Variants in PDE3A observed in about 807,000 individuals in gnomAD.
PDE3A encodes the protein phosphodiesterase 3A.
PDE3A carries 43 observed loss-of-function variants against 98.3 expected under a neutral mutation model. The observed-to-expected ratio is 0.44, with a 90% CI of 0.34 to 0.56. The LOEUF (loss-of-function observed/expected upper bound fraction) is 0.56, where lower values mean the gene tolerates loss of function less well. Among genes scored for constraint, PDE3A ranks in the 20% least tolerant of loss-of-function variants. The pLI, the probability that PDE3A is intolerant of heterozygous loss-of-function variation, is 0.01. For synonymous variants in PDE3A, 663 were observed against 567.9 expected, an observed-to-expected ratio of 1.17 and a Z score of -2.38; for missense variants, 1,427 against 1,440.7, an observed-to-expected ratio of 0.99 and a Z score of 0.15.
At chr12:20,412,555 C>T (rs1944353111) in intron 1 of PDE3A, among the ~76,000 whole-genome samples, 1 of 152,098 alleles carries the variant, frequency 6.6e-6, no homozygotes, top group Non-Finnish European at 1.5e-5. Context: ...AACCGACAGA[C>T]AGACAAAACC....
intron 1 of PDE3A, among the ~76,000 whole-genome samples, chr12:20,532,002 C>T (rs1430711469): frequency 6.6e-6 from 1 of 151,360 alleles, no homozygotes; most frequent in Admixed American, 6.6e-5. Flanking sequence ...TAGATCTGTA[C>T]CTTGAAGTTC....
chr12:20,475,410 C>T (rs969064431), intron 1 of PDE3A, among the ~76,000 whole-genome samples: 2 of 152,060 alleles, frequency 1.3e-5, no homozygotes, highest in South Asian at 2.1e-4. Flanking sequence ...ACAACCCCTT[C>T]GCCTAATTAT....
chr12:20,502,715 A>G (rs1946045370), intron 1 of PDE3A, among the ~76,000 whole-genome samples: 1 of 152,166 alleles, frequency 6.6e-6, no homozygotes, highest in South Asian at 2.1e-4. Context: ...GGAAACTAAG[A>G]CTATGTATAA....
At chr12:20,510,797 A>G (rs1168965605) in intron 1 of PDE3A, among the ~76,000 whole-genome samples, 3 of 152,074 alleles carry the variant, frequency 2.0e-5, no homozygotes, top group African/African-American at 7.2e-5. Context: ...TGTTTCTTCT[A>G]TAAATTAAGA....
At chr12:20,600,578 T>A (rs1218379915) in intron 2 of PDE3A, among the ~76,000 whole-genome samples, 1 of 152,170 alleles carries the variant, frequency 6.6e-6, no homozygotes, top group African/African-American at 2.4e-5. Context: ...CCTGTTAAGA[T>A]CTTTTCCTTT....
At chr12:20,431,613 A>ACACACACACACACG (rs1266600637) in intron 1 of PDE3A, among the ~76,000 whole-genome samples, 504 of 150,916 alleles carry the variant, frequency 3.3e-3, no homozygotes, top group Admixed American at 4.6e-3. Context: ...ACACACACAC[A>ACACACACACACACG]CACACACACG....
At chr12:20,484,897 T>A (rs550683568) in intron 1 of PDE3A, among the ~76,000 whole-genome samples, 1 of 152,226 alleles carries the variant, frequency 6.6e-6, no homozygotes, top group South Asian at 2.1e-4. Context: ...CTTGGTGTGG[T>A]TTGTGTGTTG....
chr12:20,609,336 C>A (rs1943791503), intron 2 of PDE3A, among the ~76,000 whole-genome samples: 1 of 151,860 alleles, frequency 6.6e-6, no homozygotes, highest in Non-Finnish European at 1.5e-5. Flanking sequence ...ATAAAAAATA[C>A]TTAGGGATAA....
intron 1 of PDE3A, among the ~76,000 whole-genome samples, chr12:20,525,498 C>T (rs542300996): frequency 6.6e-6 from 1 of 151,308 alleles, no homozygotes; most frequent in African/African-American, 2.4e-5. Context: ...TCATCTGTTT[C>T]ACCTTATCAC....
intron 15 of PDE3A, among the ~76,000 whole-genome samples, chr12:20,669,692 GA>G (rs1316879112): frequency 1.3e-5 from 2 of 152,030 alleles, no homozygotes; most frequent in Non-Finnish European, 2.9e-5. Flanking sequence ...AAGAGCTCCT[GA>G]AGGAAGCACT....
intron 1 of PDE3A, among the ~76,000 whole-genome samples, chr12:20,468,187 A>G (rs1945376984): frequency 6.6e-6 from 1 of 152,006 alleles, no homozygotes; most frequent in Admixed American, 6.5e-5. Context: ...TTTGCAATTG[A>G]TTTCTGAGTC....
At chr12:20,468,723 A>C (rs1218709928) in intron 1 of PDE3A, among the ~76,000 whole-genome samples, 5 of 152,196 alleles carry the variant, frequency 3.3e-5, no homozygotes, top group African/African-American at 4.8e-5. Flanking sequence ...GAAATTAAAA[A>C]CAAGTCCTTA....
At chr12:20,521,224 G>A (rs191720582) in intron 1 of PDE3A, among the ~76,000 whole-genome samples, 1 of 151,638 alleles carries the variant, frequency 6.6e-6, no homozygotes, top group African/African-American at 2.4e-5. Flanking sequence ...GAAGGAAATA[G>A]GTGGATATAG....
chr12:20,531,390 T>G (rs1941595245), intron 1 of PDE3A, among the ~76,000 whole-genome samples: 1 of 152,156 alleles, frequency 6.6e-6, no homozygotes, highest in Admixed American at 6.5e-5. Context: ...CTTCGGATAC[T>G]TGACCATATT....
chr12:20,597,341 C>A (rs888653901), intron 2 of PDE3A, among the ~76,000 whole-genome samples: 8 of 152,088 alleles, frequency 5.3e-5, no homozygotes, highest in Non-Finnish European at 7.4e-5. Context: ...GCCTTGAAGT[C>A]CATGTTTCAA....
chr12:20,516,912 G>A (rs1012855899), intron 1 of PDE3A, among the ~76,000 whole-genome samples: 1 of 152,120 alleles, frequency 6.6e-6, no homozygotes, highest in Non-Finnish European at 1.5e-5. Flanking sequence ...CTAGGATGAG[G>A]AACTCTTTTC....
intron 1 of PDE3A, among the ~76,000 whole-genome samples, chr12:20,422,061 G>T (rs758286319): frequency 6.6e-6 from 1 of 152,128 alleles, no homozygotes; most frequent in East Asian, 1.9e-4. Context: ...ATTTTAGGGC[G>T]GCAGGCCGGG....
intron 2 of PDE3A, among the ~76,000 whole-genome samples, chr12:20,592,209 C>T (rs1054606012): frequency 1.3e-5 from 2 of 151,850 alleles, no homozygotes; most frequent in African/African-American, 4.8e-5. Flanking sequence ...ACCCTTCAAA[C>T]CTAAGGAAGA....
At chr12:20,524,236 C>T (rs1051604980) in intron 1 of PDE3A, among the ~76,000 whole-genome samples, 2 of 152,186 alleles carry the variant, frequency 1.3e-5, no homozygotes, top group Admixed American at 6.6e-5. Context: ...GACAAGTTTT[C>T]GTAGCAGTTG....
Sources: allele counts gnomAD v4.1 joint callset (sites outside exome capture counted in the v4.1 genomes callset), GRCh38; gene constraint gnomAD v4.1.1; transcripts MANE v1.5; gene names NCBI Gene and HGNC (gene_info 2026-07-23, HGNC 2026-07-21).